Variants in NEDD4L observed in about 807,000 individuals in gnomAD.
The protein encoded by NEDD4L is E3 ubiquitin-protein ligase NEDD4-like.
NEDD4L carries 54 observed loss-of-function variants against 148.9 expected under a neutral mutation model. The ratio of observed to expected loss-of-function variants is 0.36; its 90% CI spans 0.29 to 0.45. The LOEUF is 0.45. Among genes scored for constraint, NEDD4L ranks in the 20% least tolerant of loss-of-function variants. NEDD4L has a pLI of 1.00. For missense variants in NEDD4L, 856 were observed against 1,233.8 expected (o/e 0.69, Z 4.59); for synonymous variants, 433 against 440.7 (o/e 0.98, Z 0.22).
At position 58,366,906 on chromosome 18, in the gene NEDD4L, C is replaced by A. The variant is rs1227767957; in HGVS notation, c.2063+678C>A. On this transcript the variant is annotated intron_variant, in intron 21 of 30. Transcript: ENST00000400345. This position sits in a 1 kb window ranked among gnomAD's most constrained non-coding sequence, Gnocchi z 4.2. The stretch of plus-strand genomic sequence containing the variant: ...TGGGCTCTAAGGGGACGTGGGTTCC[C>A]CCACATCTCCCACCTGGTACCAGTC... 6.6e-6 allele frequency among the ~76,000 whole-genome samples: 1 copy of A among 152,192 alleles called. No homozygotes were observed. The highest frequency in any genetic ancestry group is 6.5e-5 in the Admixed American group (1 of 15,278).
chr18:58,262,884 C>G (rs1469285443), intron 5 of NEDD4L, among the ~76,000 whole-genome samples: 1 of 152,124 alleles, frequency 6.6e-6, no homozygotes, highest in African/African-American at 2.4e-5. Flanking sequence ...TTCCTGGTCT[C>G]TAGGCATCAC....
At chr18:58,164,528 G>C (rs189809508) in intron 1 of NEDD4L, among the ~76,000 whole-genome samples, 1 of 152,336 alleles carries the variant, frequency 6.6e-6, no homozygotes, top group Admixed American at 6.5e-5. Flanking sequence ...CTGGAGTGCA[G>C]TGGTGTGATC....
intron 2 of NEDD4L, among the ~76,000 whole-genome samples, chr18:58,214,974 G>A (rs925535468): frequency 1.3e-5 from 2 of 151,816 alleles, no homozygotes; most frequent in East Asian, 3.9e-4. Flanking sequence ...ACCATGCCTG[G>A]CTAATTTTTG....
chr18:58,358,331 T>G (rs2044984705), intron 19 of NEDD4L, among the ~76,000 whole-genome samples: 2 of 152,208 alleles, frequency 1.3e-5, no homozygotes, highest in African/African-American at 4.8e-5. Context: ...AACTTTTTTC[T>G]CTATGCGGCT....
chr18:58,358,441 A>C (rs1448321954), intron 19 of NEDD4L, among the ~76,000 whole-genome samples: 3 of 152,198 alleles, frequency 2.0e-5, no homozygotes, highest in Non-Finnish European at 2.9e-5. Context: ...CATTAGAACA[A>C]GGTAAATTCA....
intron 1 of NEDD4L, among the ~76,000 whole-genome samples, chr18:58,138,296 G>A (rs2033081709): frequency 6.9e-6 from 1 of 144,794 alleles, no homozygotes; most frequent in African/African-American, 2.6e-5. Context: ...GTGATGCTGA[G>A]GCATTGCTGG....
At chr18:58,176,571 G>C (rs1315729192) in intron 2 of NEDD4L, among the ~76,000 whole-genome samples, 1 of 152,164 alleles carries the variant, frequency 6.6e-6, no homozygotes. Flanking sequence ...CTGACCTCAA[G>C]TGACCCTCCC....
intron 19 of NEDD4L, chr18:58,357,533 A>G: frequency 1.7e-6 from 1 of 598,704 alleles, no homozygotes; most frequent in Non-Finnish European, 3.1e-6. Flanking sequence ...CTATAAGTAT[A>G]GTCAAAATTC....
intron 1 of NEDD4L, among the ~76,000 whole-genome samples, chr18:58,076,578 A>G (rs1242776969): frequency 6.6e-6 from 1 of 151,786 alleles, no homozygotes; most frequent in Non-Finnish European, 1.5e-5. Context: ...GTTTGGATCC[A>G]TTTTCTTTCA....
intron 1 of NEDD4L, among the ~76,000 whole-genome samples, chr18:58,111,391 TAAA>T (rs61588241): frequency 0.18 from 27,000 of 152,004 alleles, 2,658 homozygotes; most frequent in African/African-American, 0.26. Flanking sequence ...TTATTACCCA[TAAA>T]AGGAAGCCTG....
intron 5 of NEDD4L, among the ~76,000 whole-genome samples, chr18:58,253,901 T>A (rs986474066): frequency 2.0e-5 from 3 of 152,090 alleles, no homozygotes; most frequent in African/African-American, 7.2e-5. Flanking sequence ...ACAAGCTATA[T>A]CTGAAAAATT....
Position 58,094,507 on chromosome 18 carries a change from TC to T in NEDD4L, c.48+49800del, listed in dbSNP as rs200648729. ...CAGCCACTCCTGCACCCTTACCTTT[TC>T]GCCGCCCTGGCCGGCTGGACGACTG... On this transcript the variant is annotated intron_variant, in intron 1 of 30. Coordinates refer to ENST00000400345, the MANE Select transcript of NEDD4L (RefSeq NM_001144967.3). 1.3e-3 allele frequency among the ~76,000 whole-genome samples: 189 copies of T among 150,716 alleles called. 2 individuals are homozygous for T. Among genetic ancestry groups the T allele is most frequent in the African/African-American group, 4.5e-3 (182 of 40,674 alleles).
intron 13 of NEDD4L, among the ~76,000 whole-genome samples, chr18:58,340,600 A>G (rs1029844115): frequency 1.3e-5 from 2 of 152,254 alleles, no homozygotes; most frequent in African/African-American, 4.8e-5. Flanking sequence ...GGCCTAAGCT[A>G]GAAGAGCACC....
intron 1 of NEDD4L, among the ~76,000 whole-genome samples, chr18:58,061,457 A>G (rs1304467011): frequency 1.4e-5 from 2 of 146,838 alleles, no homozygotes; most frequent in African/African-American, 5.1e-5. Flanking sequence ...ATGCCAAGGA[A>G]GATGCACATT....
intron 24 of NEDD4L, among the ~76,000 whole-genome samples, chr18:58,379,435 C>T (rs2048033425): frequency 6.6e-6 from 1 of 152,178 alleles, no homozygotes; most frequent in African/African-American, 2.4e-5. Context: ...ACAGTCCCTC[C>T]CCTCCTGTGG....
intron 1 of NEDD4L, among the ~76,000 whole-genome samples, chr18:58,100,683 G>C (rs1743294891): frequency 6.6e-6 from 1 of 152,118 alleles, no homozygotes; most frequent in Non-Finnish European, 1.5e-5. Flanking sequence ...AAACAAACCT[G>C]CAAAACCTGA....
At chr18:58,357,526 T>C (rs2044848163) in intron 19 of NEDD4L, 1 of 611,570 alleles carries the variant, frequency 1.6e-6, no homozygotes, top group Non-Finnish European at 3.0e-6. Context: ...GGGTGGACTA[T>C]AAGTATAGTC....
chr18:58,215,712 A>G (rs2043092291), intron 2 of NEDD4L, among the ~76,000 whole-genome samples: 1 of 152,212 alleles, frequency 6.6e-6, no homozygotes, highest in Non-Finnish European at 1.5e-5. Context: ...TAAGTCTGAA[A>G]AAAAATAGAG....
intron 2 of NEDD4L, among the ~76,000 whole-genome samples, chr18:58,202,509 G>A (rs1176327936): frequency 1.3e-5 from 2 of 152,242 alleles, no homozygotes; most frequent in South Asian, 2.1e-4. Flanking sequence ...TTGGAGAAGC[G>A]CTGGACTGGT....
Sources: gnomAD v4.1 joint callset for allele counts (sites outside exome capture counted in the v4.1 genomes callset) on GRCh38, gnomAD v4.1.1 for gene constraint, Gnocchi (gnomAD v3.1) non-coding constraint, MANE v1.5 for transcripts, NCBI Gene and HGNC (gene_info 2026-07-23, HGNC 2026-07-21) for gene names.